The following RPS6KC1 variants were observed in gnomAD, a reference collection of about 807,000 sequenced individuals.
RPS6KC1 encodes ribosomal protein S6 kinase C1.
In RPS6KC1, 54 loss-of-function variants were observed where a neutral mutation model predicts 103.8. The observed-to-expected ratio is 0.52, with a 90% CI of 0.42 to 0.65. The LOEUF is 0.65. Ranked by LOEUF, RPS6KC1 falls within the 30% of genes least tolerant of loss-of-function variation. The pLI is 0.00. For missense variants in RPS6KC1, 1,151 were observed against 1,253.8 expected, an observed-to-expected ratio of 0.92 and a Z score of 1.24; for synonymous variants, 439 against 438.7, an observed-to-expected ratio of 1.00 and a Z score of -0.01.
the RPS6KC1 span, among the ~76,000 whole-genome samples, chr1:213,356,739 C>T: frequency 2.9e-4 from 44 of 152,286 alleles, no homozygotes; most frequent in African/African-American, 7.9e-4. Flanking sequence ...ATCACTACAC[C>T]GGAAGCTGCT....
the RPS6KC1 span, among the ~76,000 whole-genome samples, chr1:213,559,386 A>G: frequency 6.6e-6 from 1 of 152,336 alleles, no homozygotes; most frequent in Non-Finnish European, 1.5e-5. Context: ...GTATCTTATT[A>G]TATGCCCAAA....
At chr1:213,576,042 G>T in the RPS6KC1 span, among the ~76,000 whole-genome samples, 1 of 152,118 alleles carries the variant, frequency 6.6e-6, no homozygotes, top group African/African-American at 2.4e-5. Flanking sequence ...GCTCTGGAAT[G>T]GTTTAGGTGG....
At chr1:213,084,871 T>C (rs1308161668) in intron 3 of RPS6KC1, among the ~76,000 whole-genome samples, 1 of 152,236 alleles carries the variant, frequency 6.6e-6, no homozygotes, top group Non-Finnish European at 1.5e-5. Flanking sequence ...GGCTGGATAC[T>C]GCATAGGTGT....
chr1:213,074,450 C>T lies in RPS6KC1; in HGVS notation c.142-3246C>T, dbSNP rs1225001264. Among the ~76,000 whole-genome samples, 3 of 152,286 alleles carry T rather than the reference C, an allele frequency of 2.0e-5. No individual in the cohort carries two copies. The East Asian group carries it at 5.8e-4, about 29-fold the overall frequency. On this transcript the variant is annotated intron_variant, in intron 2 of 14. Coordinates refer to ENST00000366960, the MANE Select transcript of RPS6KC1 (RefSeq NM_012424.6). ...TAGAGAAAATAATTTCTAAATGTGT[C>T]TCTGAGGACTTTGTGTAGTCCAGAT...
the RPS6KC1 span, among the ~76,000 whole-genome samples, chr1:213,755,227 A>G: frequency 6.6e-6 from 1 of 152,144 alleles, no homozygotes; most frequent in Admixed American, 6.5e-5. Context: ...AAAAGTAATC[A>G]CGGTTTTTGT....
At chr1:213,199,293 C>T (rs989857023) in intron 8 of RPS6KC1, among the ~76,000 whole-genome samples, 1 of 152,160 alleles carries the variant, frequency 6.6e-6, no homozygotes, top group African/African-American at 2.4e-5. Flanking sequence ...GCTTATCCAC[C>T]ACGATCAAGT....
At chr1:213,414,484 C>A in the RPS6KC1 span, among the ~76,000 whole-genome samples, 1 of 152,108 alleles carries the variant, frequency 6.6e-6, no homozygotes, top group Non-Finnish European at 1.5e-5. Context: ...AAGAAGGAGG[C>A]AGAGATTGGG....
the RPS6KC1 span, among the ~76,000 whole-genome samples, chr1:213,656,595 G>A: frequency 1.3e-5 from 2 of 152,152 alleles, no homozygotes; most frequent in Admixed American, 6.5e-5. Flanking sequence ...GGGAAAGGAC[G>A]TTTCTGAGAT....
chr1:213,374,174 G>T, the RPS6KC1 span, among the ~76,000 whole-genome samples: 1 of 152,174 alleles, frequency 6.6e-6, no homozygotes, highest in South Asian at 2.1e-4. Flanking sequence ...ATTTATAAAT[G>T]CTAATACTAT....
At chr1:213,466,482 C>G in the RPS6KC1 span, among the ~76,000 whole-genome samples, 1 of 152,184 alleles carries the variant, frequency 6.6e-6, no homozygotes, top group East Asian at 1.9e-4. Context: ...CCTGGGGTGG[C>G]CAGAGGAGCC....
intron 6 of RPS6KC1, among the ~76,000 whole-genome samples, chr1:213,161,139 A>T (rs370133664): frequency 6.6e-6 from 1 of 152,212 alleles, no homozygotes; most frequent in Non-Finnish European, 1.5e-5. Context: ...TGCCTGGAAC[A>T]TAGTAGATAA....
At chr1:213,169,204 C>T (rs963307855) in intron 7 of RPS6KC1, among the ~76,000 whole-genome samples, 1 of 152,110 alleles carries the variant, frequency 6.6e-6, no homozygotes, top group Non-Finnish European at 1.5e-5. Context: ...ATACTTTTTC[C>T]TACACATTTT....
chr1:213,358,408 A>G, the RPS6KC1 span, among the ~76,000 whole-genome samples: 1 of 152,174 alleles, frequency 6.6e-6, no homozygotes. Context: ...TAGATTTTCT[A>G]GTTTATTTGC....
At chr1:213,499,166 C>T in the RPS6KC1 span, among the ~76,000 whole-genome samples, 1 of 152,128 alleles carries the variant, frequency 6.6e-6, no homozygotes, top group African/African-American at 2.4e-5. Context: ...GATGCCTGTT[C>T]CCACTTGTAT....
At chr1:213,721,627 T>C in the RPS6KC1 span, among the ~76,000 whole-genome samples, 2 of 152,140 alleles carry the variant, frequency 1.3e-5, no homozygotes, top group South Asian at 2.1e-4. Flanking sequence ...ATATACCATG[T>C]CATCACTCAC....
At chr1:213,643,397 A>G in the RPS6KC1 span, among the ~76,000 whole-genome samples, 1 of 151,560 alleles carries the variant, frequency 6.6e-6, no homozygotes, top group African/African-American at 2.4e-5. Flanking sequence ...TTATAGTTTC[A>G]TTGATATTTT....
chr1:213,246,635 T>G (rs2094458504), intron 12 of RPS6KC1, among the ~76,000 whole-genome samples: 1 of 152,198 alleles, frequency 6.6e-6, no homozygotes, highest in South Asian at 2.1e-4. Flanking sequence ...AACCTTTGTT[T>G]ATAGTGTTTT....
At chr1:213,266,458 T>G (rs2094914319) in intron 14 of RPS6KC1, among the ~76,000 whole-genome samples, 1 of 152,208 alleles carries the variant, frequency 6.6e-6, no homozygotes, top group Non-Finnish European at 1.5e-5. Context: ...TGAGTATTCT[T>G]AAATTTGAGT....
At chr1:213,861,564 G>A in the RPS6KC1 span, among the ~76,000 whole-genome samples, 3 of 152,160 alleles carry the variant, frequency 2.0e-5, no homozygotes, top group Non-Finnish European at 2.9e-5. Context: ...CAAAACAGCC[G>A]CTATGGCCAT....
Sources: gnomAD v4.1 joint callset for allele counts (sites outside exome capture counted in the v4.1 genomes callset) on GRCh38, gnomAD v4.1.1 for gene constraint, MANE v1.5 for transcripts, NCBI Gene and HGNC (gene_info 2026-07-23, HGNC 2026-07-21) for gene names.